USP39: variants seen among roughly 807,000 people sequenced by gnomAD.
USP39 encodes ubiquitin specific peptidase 39.
USP39 carries 38 observed loss-of-function variants against 66.4 expected under a neutral mutation model. That is an observed-to-expected ratio of 0.57 (90% confidence interval 0.44 to 0.75). The LOEUF is 0.75. Among genes scored for constraint, USP39 ranks in the 30% least tolerant of loss-of-function variants. USP39 has a pLI of 0.00. For missense variants in USP39, 608 were observed against 714.4 expected (o/e 0.85, Z 1.70); for synonymous variants, 303 against 274.6 (o/e 1.10, Z -1.02).
At chr2:85,609,030 G>T (rs775005531), upstream of USP39, 1 of 1,614,252 alleles carries the variant, frequency 6.2e-7, no homozygotes, top group Non-Finnish European at 8.5e-7. Flanking sequence ...AGGCGTGTGT[G>T]CCGACACCTT....
At chr2:85,626,998 C>T (rs1040291710) in intron 5 of USP39, among the ~76,000 whole-genome samples, 4 of 149,342 alleles carry the variant, frequency 2.7e-5, no homozygotes, top group African/African-American at 7.4e-5. Flanking sequence ...CCACCTGCCT[C>T]GGCCTCCCAA....
chr2:85,616,213 G>A lies in USP39; in HGVS notation c.18G>A (p.Lys6=), dbSNP rs1673918367. ...TAGTGGAGATGTCCGGCCGGTCTAA[G>A]CGGGAGTCTCGCGGTTCCACTCGCG... MSGRS[K]RESRGSTRGK... The change falls in exon 1 of 13, where the codon AAG becomes AAA. Residue 6 remains lysine (K), a synonymous_variant. Transcript: ENST00000323701. 2 of 1,479,368 alleles carry A rather than the reference G, an allele frequency of 1.4e-6. No homozygotes were observed. Among genetic ancestry groups the A allele is most frequent in the Admixed American group, 2.4e-5 (1 of 41,906 alleles). 91.6% of individuals were successfully genotyped at this position (1,479,368 alleles called of 1,614,324 possible). A position where few individuals can be genotyped will look rare whatever the true frequency, so the allele number is the denominator to read the frequency against.
At chr2:85,628,176 C>T (rs147293753) in intron 5 of USP39, among the ~76,000 whole-genome samples, 36 of 152,010 alleles carry the variant, frequency 2.4e-4, no homozygotes, top group African/African-American at 7.7e-4. Context: ...GATGGAGTCT[C>T]GCTCTGTCAC....
intron 5 of USP39, among the ~76,000 whole-genome samples, chr2:85,627,377 G>A (rs1674954965): frequency 6.6e-6 from 1 of 152,156 alleles, no homozygotes; most frequent in Non-Finnish European, 1.5e-5. Flanking sequence ...TTACAGGTGT[G>A]AGCCACCATG....
intron 6 of USP39, among the ~76,000 whole-genome samples, chr2:85,635,372 C>T (rs1675683487): frequency 1.3e-5 from 2 of 152,112 alleles, no homozygotes; most frequent in South Asian, 4.1e-4. Context: ...CCGGCCTGGC[C>T]AACATGGTGA....
chr2:85,641,606 T>G (rs1192678318), intron 10 of USP39, among the ~76,000 whole-genome samples: 1 of 152,120 alleles, frequency 6.6e-6, no homozygotes, highest in African/African-American at 2.4e-5. Flanking sequence ...TTTTTCATAC[T>G]TAAGAAGATG....
At chr2:85,603,602 T>A (rs1043339189) in intron 1 of USP39, among the ~76,000 whole-genome samples, 1 of 151,292 alleles carries the variant, frequency 6.6e-6, no homozygotes, top group African/African-American at 2.4e-5. Context: ...TTTCTTTTTT[T>A]TTTTTTTGAG....
At chr2:85,611,660 G>T, upstream of USP39, 1 of 1,558,056 alleles carries the variant, frequency 6.4e-7, no homozygotes, top group South Asian at 1.2e-5. Flanking sequence ...CGGGGCGGGC[G>T]GCCTCACCTC....
chr2:85,634,047 C>T (rs1675575814), intron 6 of USP39, among the ~76,000 whole-genome samples: 1 of 150,174 alleles, frequency 6.7e-6, no homozygotes, highest in African/African-American at 2.4e-5. Context: ...CCGTTTTAGC[C>T]GGGATGGTCT....
intron 1 of USP39, among the ~76,000 whole-genome samples, chr2:85,605,042 G>C (rs1384826835): frequency 6.6e-6 from 1 of 152,178 alleles, no homozygotes; most frequent in Non-Finnish European, 1.5e-5. Flanking sequence ...GTAAGAAGTA[G>C]GACCAGATGT....
In USP39 at chr2:85,630,969, T is replaced by A. The variant is rs544383496; in HGVS notation, c.949+23T>A. The A allele has an allele frequency of 1.3e-4, 212 of 1,602,062 alleles. 3 individuals carry two copies. In the South Asian group the frequency reaches 2.3e-3, roughly 17 times the overall value. ...AAGGTAAGAACAAGTCATTCATGTTTCAGGACAACAAAACTAGTTTGATGA... is the reference window on the plus strand; with the variant it reads ...AAGGTAAGAACAAGTCATTCATGTTACAGGACAACAAAACTAGTTTGATGA... On this transcript the variant is annotated intron_variant, in intron 6 of 12. Transcript: ENST00000323701.
At chr2:85,634,977 T>C (rs771609495) in intron 6 of USP39, among the ~76,000 whole-genome samples, 3 of 152,214 alleles carry the variant, frequency 2.0e-5, no homozygotes, top group Non-Finnish European at 4.4e-5. Context: ...ATAGCCACTA[T>C]TGGCTAGGAT....
intron 10 of USP39, 124 bp downstream of exon 10, chr2:85,641,242 A>T: frequency 8.8e-7 from 1 of 1,132,834 alleles, no homozygotes; most frequent in Non-Finnish European, 1.3e-6. Flanking sequence ...GCCTACCTAC[A>T]GTAGATAAGA....
rs1347372192 is a variant in USP39 at position 85,630,873 on chromosome 2, A to G, written c.876A>G (p.Ala292=). Residue 292 remains alanine (A), a synonymous_variant, in exon 6 of 13, where the codon GCA becomes GCG. Transcript: ENST00000323701. ...RKLWNPRNFK[A]HVSPHEMLQA... is the part of the protein sequence containing the mutation. ...TCTGGAACCCTCGAAATTTCAAGGCACATGTGTCTCCCCATGAGATGCTTC... is the reference window on the plus strand; with the variant it reads ...TCTGGAACCCTCGAAATTTCAAGGCGCATGTGTCTCCCCATGAGATGCTTC... 4 of 1,614,252 alleles carry G rather than the reference A, an allele frequency of 2.5e-6. No individual in the cohort carries two copies. The Admixed American group carries it at 5.0e-5, about 20-fold the overall frequency.
chr2:85,619,335 CTG>C, intron 2 of USP39, 46 bp downstream of exon 2: 1 of 1,592,406 alleles, frequency 6.3e-7, no homozygotes, highest in Non-Finnish European at 8.6e-7. Flanking sequence ...ACAATGGAAT[CTG>C]TGCAGAAAGT....
chr2:85,623,524 A>G (rs1674619291), intron 3 of USP39, 122 bp from the exon 4 acceptor site: 5 of 1,350,852 alleles, frequency 3.7e-6, no homozygotes, highest in Non-Finnish European at 4.9e-6. Flanking sequence ...TATGAATGGC[A>G]TAATATTTGT....
chr2:85,624,730 G>A (rs1355963766), intron 4 of USP39, among the ~76,000 whole-genome samples: 4 of 152,086 alleles, frequency 2.6e-5, no homozygotes, highest in African/African-American at 9.7e-5. Flanking sequence ...TTGGGAGGCC[G>A]AGGCAGGTGG....
upstream of USP39, among the ~76,000 whole-genome samples, chr2:85,615,077 A>G (rs1031245842): frequency 2.0e-5 from 3 of 151,474 alleles, no homozygotes; most frequent in Non-Finnish European, 4.4e-5. Flanking sequence ...CTGGAGTGCA[A>G]TGGGGCGATC....
At chr2:85,639,658 G>GCT in intron 9 of USP39, 1 of 273,572 alleles carries the variant, frequency 3.7e-6, no homozygotes, top group South Asian at 5.8e-5. Flanking sequence ...ATGTTGGCCA[G>GCT]GTTGGTCTCG....
Sources: allele counts gnomAD v4.1 joint callset (sites outside exome capture counted in the v4.1 genomes callset), GRCh38; gene constraint gnomAD v4.1.1; transcripts MANE v1.5; gene names NCBI Gene and HGNC (gene_info 2026-07-23, HGNC 2026-07-21).